Variants in NPAS4 observed in about 807,000 individuals in gnomAD.
NPAS4 encodes neuronal PAS domain-containing protein 4.
Under a neutral mutation model 64.0 loss-of-function variants are expected in NPAS4, and 10 were observed. That is an observed-to-expected ratio of 0.16 (90% CI 0.10 to 0.26). The LOEUF is 0.26. Ranked by LOEUF, NPAS4 falls within the 10% of genes least tolerant of loss-of-function variation. NPAS4 has a pLI of 1.00. For missense variants in NPAS4, 886 were observed against 992.6 expected, an observed-to-expected ratio of 0.89 and a Z score of 1.44; for synonymous variants, 441 against 411.7, an observed-to-expected ratio of 1.07 and a Z score of -0.86.
chr11:66,416,559 TA>T (rs1856672303), upstream of NPAS4, among the ~76,000 whole-genome samples: 1 of 152,140 alleles, frequency 6.6e-6, no homozygotes, highest in African/African-American at 2.4e-5. Flanking sequence ...CCTATGGCCA[TA>T]AGTTAAGTAG....
the NPAS4 span, among the ~76,000 whole-genome samples, chr11:66,411,500 C>G: frequency 6.6e-6 from 1 of 152,218 alleles, no homozygotes; most frequent in African/African-American, 2.4e-5. Context: ...GAGCTCAGCT[C>G]GTCTTCTTCC....
At chr11:66,425,517 G>T (rs1856826689) in intron 7 of NPAS4, among the ~76,000 whole-genome samples, 1 of 152,126 alleles carries the variant, frequency 6.6e-6, no homozygotes, top group African/African-American at 2.4e-5. Context: ...GTAAGGGCTT[G>T]TGCTTAACTC....
intron 1 of NPAS4, 46 bp from the exon 2 acceptor site, chr11:66,422,074 G>A: frequency 6.3e-7 from 1 of 1,576,132 alleles, no homozygotes; most frequent in Non-Finnish European, 8.7e-7. Flanking sequence ...CTTCTTCTCT[G>A]CCTCCCAGTC....
the NPAS4 span, among the ~76,000 whole-genome samples, chr11:66,413,583 A>G: frequency 6.6e-6 from 1 of 152,296 alleles, no homozygotes; most frequent in Middle Eastern, 3.4e-3. Flanking sequence ...CTTTTGCTGC[A>G]TGTCCCTGTT....
chr11:66,423,278 G>A (rs772146598), intron 5 of NPAS4, 46 bp downstream of exon 5: 3 of 1,261,062 alleles, frequency 2.4e-6, no homozygotes, highest in Non-Finnish European at 3.4e-6. Flanking sequence ...GCTGGGAAAG[G>A]GCATGGGAGA....
At chr11:66,422,311 A>G (rs754684989) in intron 2 of NPAS4, 40 bp downstream of exon 2, 3 of 1,607,886 alleles carry the variant, frequency 1.9e-6, no homozygotes, top group Non-Finnish European at 2.6e-6. Context: ...CTGGGCATGG[A>G]GTGGGTGCCG....
chr11:66,425,316 A>G (rs1856822706), intron 7 of NPAS4, 46 bp downstream of exon 7: 2 of 1,164,536 alleles, frequency 1.7e-6, no homozygotes, highest in African/African-American at 1.6e-5. Context: ...TGTCCTGCCA[A>G]TGAAATGCTG....
upstream of NPAS4, among the ~76,000 whole-genome samples, chr11:66,420,833 C>T (rs117297304): frequency 6.6e-6 from 1 of 152,186 alleles, no homozygotes; most frequent in Non-Finnish European, 1.5e-5. Context: ...CCTGCTCCCC[C>T]CTCGCCCGCC....
At chr11:66,425,557 C>A (rs565867070) in intron 7 of NPAS4, among the ~76,000 whole-genome samples, 2 of 152,150 alleles carry the variant, frequency 1.3e-5, no homozygotes, top group African/African-American at 2.4e-5. Flanking sequence ...TCTTCAGCAC[C>A]CCATTTTACA....
upstream of NPAS4, among the ~76,000 whole-genome samples, chr11:66,417,329 A>G (rs1446205057): frequency 2.7e-5 from 4 of 150,136 alleles, no homozygotes; most frequent in Admixed American, 2.6e-4. Context: ...CTGTGCCCAC[A>G]CCAGGAATTT....
chr11:66,426,379 C>T lies in NPAS4; in HGVS notation c.*390C>T. The T allele has an allele frequency of 5.2e-6, 1 of 191,360 alleles. No individual in the cohort carries two copies. The highest frequency in any genetic ancestry group is 1.1e-5 in the Non-Finnish European group (1 of 91,546). 11.9% of individuals were successfully genotyped at this position (191,360 alleles called of 1,614,324 possible). A position where few individuals can be genotyped will look rare whatever the true frequency, so the allele number is the denominator to read the frequency against. On this transcript the variant is annotated 3_prime_UTR_variant, in exon 8 of 8. Transcript: ENST00000311034. ...GAAAGGCAGGGCCCACCCGGGCCAG[C>T]CCGTGCCCTGAGGGGCTCTTGACAC...
At chr11:66,409,874 G>A in the NPAS4 span, 1 of 152,358 alleles carries the variant, frequency 6.6e-6, no homozygotes, top group Non-Finnish European at 1.5e-5. Flanking sequence ...GTCTGGACCT[G>A]GGCGGACTTT....
Position 66,422,838 on chromosome 11 carries a change from C to T in NPAS4, c.595C>T (p.Pro199Ser), listed in dbSNP as rs971109189. Reference protein sequence around the residue: ...TAFCAPLEPRPRPGPGPGPGP... With the variant: ...TAFCAPLEPRSRPGPGPGPGP... ...TTTCTGTGCCCCTCTGGAGCCGAGA[C>T]CCCGCCCAGGTCCTGGCCCTGGCCC... The change falls in exon 4 of 8, where the codon CCC (proline) becomes TCC (serine). Residue 199 changes from proline to serine, a missense_variant. Around this residue, in one of 3 missense-constraint regions of NPAS4, gnomAD observed 820 missense variants for 855.5 expected, o/e 0.96. Coordinates refer to ENST00000311034, the MANE Select transcript of NPAS4 (RefSeq NM_178864.4). The T allele has an allele frequency of 6.2e-7, 1 of 1,613,968 alleles. No individual in the cohort carries two copies.
chr11:66,421,662 C>A (rs112882799), intron 1 of NPAS4, among the ~76,000 whole-genome samples: 90 of 152,358 alleles, frequency 5.9e-4, no homozygotes, highest in Non-Finnish European at 1.2e-3. Context: ...GGGAGGGAAG[C>A]CCGGGAAGTT....
chr11:66,412,472 C>T, the NPAS4 span, among the ~76,000 whole-genome samples: 70 of 152,348 alleles, frequency 4.6e-4, 1 homozygote, highest in South Asian at 0.014. Flanking sequence ...GCTATTTCTA[C>T]ACTTGCAGTG....
the NPAS4 span, among the ~76,000 whole-genome samples, chr11:66,412,147 A>G: frequency 6.6e-6 from 1 of 152,314 alleles, no homozygotes; most frequent in Middle Eastern, 3.4e-3. Flanking sequence ...GTAATGGGAG[A>G]TAATGGGAGC....
chr11:66,426,139 G>GT lies in NPAS4; in HGVS notation c.*150_*151insT. The GT allele has an allele frequency of 2.6e-6, 1 of 382,448 alleles. No individual in the cohort carries two copies. The highest frequency in any genetic ancestry group is 5.2e-6 in the Non-Finnish European group (1 of 191,662). The allele number at this position is 382,448 out of a possible 1,614,324, so 23.7% of individuals were successfully genotyped here. A position where few individuals can be genotyped will look rare whatever the true frequency, so the allele number is the denominator to read the frequency against. ...GGCCCTGCAGGATTTTGGGGGGGGG[G>GT]AGGTGGGAGGGCAAGGGAGGGGAGC... On this transcript the variant is annotated 3_prime_UTR_variant, in exon 8 of 8. Transcript: ENST00000311034.
chr11:66,423,329 A>G (rs1856780935), intron 5 of NPAS4, 97 bp downstream of exon 5: 1 of 914,736 alleles, frequency 1.1e-6, no homozygotes, highest in Non-Finnish European at 1.8e-6. Context: ...GATGCTGGGG[A>G]GATAACAGAG....
At chr11:66,418,545 A>C (rs933172291), upstream of NPAS4, among the ~76,000 whole-genome samples, 4 of 152,080 alleles carry the variant, frequency 2.6e-5, no homozygotes, top group Non-Finnish European at 5.9e-5. Flanking sequence ...GAGCTTCTCA[A>C]CTTGAATCAG....
Sources: gnomAD v4.1 joint callset for allele counts (sites outside exome capture counted in the v4.1 genomes callset) on GRCh38, gnomAD v4.1.1 for gene constraint, gnomAD v4.1.1 regional missense constraint, MANE v1.5 for transcripts, NCBI Gene and HGNC (gene_info 2026-07-23, HGNC 2026-07-21) for gene names.